Variants in ANXA8 observed in about 807,000 individuals in gnomAD.
The protein encoded by ANXA8 is VAC-beta.
A neutral mutation model predicts 26.8 loss-of-function variants in ANXA8; 9 were observed. The ratio of observed to expected loss-of-function variants is 0.34; its 90% CI spans 0.20 to 0.59. ANXA8 has a LOEUF of 0.59. Among genes scored for constraint, ANXA8 ranks in the 20% least tolerant of loss-of-function variants. ANXA8 has a pLI of 0.84. For missense variants in ANXA8, 83 were observed against 238.5 expected, an observed-to-expected ratio of 0.35 and a Z score of 4.29; for synonymous variants, 39 against 94.8, an observed-to-expected ratio of 0.41 and a Z score of 3.42.
the ANXA8 span, among the ~76,000 whole-genome samples, chr10:47,610,517 C>A: frequency 3.7e-5 from 3 of 81,246 alleles, no homozygotes; most frequent in East Asian, 2.4e-4. Flanking sequence ...TATAAGATGC[C>A]TACTAACTAC....
chr10:47,762,981 G>T, the ANXA8 span: 2 of 1,274,336 alleles, frequency 1.6e-6, no homozygotes, highest in Non-Finnish European at 2.0e-6. Flanking sequence ...TTGGGGCAGG[G>T]TGCGGTGAGA....
the ANXA8 span, among the ~76,000 whole-genome samples, chr10:47,976,380 G>A: frequency 6.6e-5 from 10 of 151,412 alleles, no homozygotes; most frequent in African/African-American, 2.4e-4. Flanking sequence ...CTTATTCGTA[G>A]TCTTCTTTTC....
the ANXA8 span, among the ~76,000 whole-genome samples, chr10:47,668,236 A>T: frequency 6.6e-6 from 1 of 151,106 alleles, no homozygotes; most frequent in Non-Finnish European, 1.5e-5. Context: ...CTTTCTGATA[A>T]ATTTTCCTAA....
At chr10:47,778,588 G>A in the ANXA8 span, among the ~76,000 whole-genome samples, 1 of 151,654 alleles carries the variant, frequency 6.6e-6, no homozygotes, top group Non-Finnish European at 1.5e-5. Context: ...TCAGTTTGTG[G>A]TACAGAAGCA....
At chr10:47,589,426 T>A in the ANXA8 span, 3 of 146,266 alleles carry the variant, frequency 2.1e-5, no homozygotes, top group Admixed American at 6.6e-5. Context: ...ATCCTCTAGA[T>A]CATTCTCTCT....
the ANXA8 span, among the ~76,000 whole-genome samples, chr10:47,976,069 G>A: frequency 2.7e-4 from 40 of 147,494 alleles, no homozygotes; most frequent in African/African-American, 9.1e-4. Context: ...AAGAATCCTA[G>A]GAGTATCCAG....
At chr10:47,748,417 T>C in the ANXA8 span, among the ~76,000 whole-genome samples, 1 of 151,656 alleles carries the variant, frequency 6.6e-6, no homozygotes, top group Admixed American at 6.6e-5. Context: ...TTCACCATGT[T>C]GGCCAGGTTG....
the ANXA8 span, among the ~76,000 whole-genome samples, chr10:47,723,026 A>T: frequency 7.9e-6 from 1 of 125,942 alleles, no homozygotes; most frequent in Non-Finnish European, 1.7e-5. Flanking sequence ...TAAAACAAGT[A>T]ACCTTGGGAG....
chr10:47,575,420 T>C, the ANXA8 span, among the ~76,000 whole-genome samples: 103 of 141,672 alleles, frequency 7.3e-4, 2 homozygotes, highest in Middle Eastern at 6.9e-3. Flanking sequence ...AATCTCACTC[T>C]GTCACCCAGG....
chr10:47,621,276 T>C, the ANXA8 span, among the ~76,000 whole-genome samples: 15 of 109,034 alleles, frequency 1.4e-4, 1 homozygote, highest in Non-Finnish European at 6.0e-5. Flanking sequence ...TCATATTGGA[T>C]GTTGGTAGAG....
chr10:47,673,131 C>A, the ANXA8 span, among the ~76,000 whole-genome samples: 1 of 151,452 alleles, frequency 6.6e-6, no homozygotes, highest in Non-Finnish European at 1.5e-5. Context: ...GAAGCCCTAG[C>A]AACTCTGGCA....
chr10:47,659,408 G>C, the ANXA8 span, among the ~76,000 whole-genome samples: 1 of 151,618 alleles, frequency 6.6e-6, no homozygotes, highest in African/African-American at 2.4e-5. Flanking sequence ...GGCCGGGCGC[G>C]GTGGCTCATG....
the ANXA8 span, among the ~76,000 whole-genome samples, chr10:47,554,816 A>T: frequency 6.6e-6 from 1 of 152,114 alleles, no homozygotes; most frequent in African/African-American, 2.4e-5. Flanking sequence ...TACGTGGCGC[A>T]TGCTTCCCTT....
the ANXA8 span, chr10:47,590,043 G>A: frequency 6.8e-6 from 1 of 146,164 alleles, no homozygotes; most frequent in Admixed American, 6.6e-5. Context: ...CCCCCTGACA[G>A]GGGTGGCAAG....
At chr10:47,702,306 G>A in the ANXA8 span, among the ~76,000 whole-genome samples, 1 of 150,958 alleles carries the variant, frequency 6.6e-6, no homozygotes, top group African/African-American at 2.4e-5. Flanking sequence ...CATACCTGGT[G>A]CCCAGATCTT....
chr10:47,724,738 A>G, the ANXA8 span, among the ~76,000 whole-genome samples: 1 of 141,026 alleles, frequency 7.1e-6, no homozygotes, highest in African/African-American at 2.6e-5. Context: ...CAATGGCTGT[A>G]GTATATTCCA....
At chr10:47,693,369 A>G in the ANXA8 span, among the ~76,000 whole-genome samples, 2 of 150,466 alleles carry the variant, frequency 1.3e-5, no homozygotes, top group African/African-American at 4.9e-5. Context: ...TGCTCACTGC[A>G]AGCTCTGCCT....
chr10:47,598,755 G>A, the ANXA8 span, among the ~76,000 whole-genome samples: 1 of 151,196 alleles, frequency 6.6e-6, no homozygotes, highest in Non-Finnish European at 1.5e-5. Flanking sequence ...GGGGAAGGAA[G>A]GAAGGCAAGG....
At chr10:47,484,183 A>T, upstream of ANXA8, 1 of 824,500 alleles carries the variant, frequency 1.2e-6, no homozygotes, top group Admixed American at 2.0e-5. Flanking sequence ...TGCTCTGGGG[A>T]ATTACACAAC....
Sources: allele counts gnomAD v4.1 joint callset (sites outside exome capture counted in the v4.1 genomes callset), GRCh38; gene constraint gnomAD v4.1.1; transcripts MANE v1.5; gene names NCBI Gene and HGNC (gene_info 2026-07-23, HGNC 2026-07-21).